Variants in YTHDF3 observed in about 807,000 individuals in gnomAD.
The protein encoded by YTHDF3 is YTH domain-containing family protein 3.
In YTHDF3, 9 loss-of-function variants were observed where a neutral mutation model predicts 52.5. That is an observed-to-expected ratio of 0.17 (90% CI 0.10 to 0.30). YTHDF3 has a LOEUF of 0.30. Among genes scored for constraint, YTHDF3 ranks in the 10% least tolerant of loss-of-function variants. The probability of loss-of-function intolerance (pLI) is 1.00; values close to 1 mark genes in which losing one functional copy is unlikely to be tolerated. For synonymous variants in YTHDF3, 274 were observed against 243.3 expected, an observed-to-expected ratio of 1.13 and a Z score of -1.18; for missense variants, 534 against 715.0, an observed-to-expected ratio of 0.75 and a Z score of 2.89.
intron 3 of YTHDF3, among the ~76,000 whole-genome samples, chr8:63,179,035 G>A (rs1258921830): frequency 6.6e-6 from 1 of 152,102 alleles, no homozygotes; most frequent in Non-Finnish European, 1.5e-5. Context: ...TGTTTAACAA[G>A]TCTTTTGCTA....
At chr8:63,194,728 C>T (rs1809129006) in intron 4 of YTHDF3, among the ~76,000 whole-genome samples, 1 of 152,064 alleles carries the variant, frequency 6.6e-6, no homozygotes, top group Non-Finnish European at 1.5e-5. Flanking sequence ...CATGGAATTG[C>T]TTATTGCTTT....
intron 3 of YTHDF3, among the ~76,000 whole-genome samples, 183 bp from the exon 4 acceptor site, chr8:63,185,964 A>T (rs557246252): frequency 1.1e-4 from 16 of 152,360 alleles, no homozygotes; most frequent in African/African-American, 3.8e-4. Context: ...TTAAGATGTG[A>T]CTACTCATCA....
intron 4 of YTHDF3, among the ~76,000 whole-genome samples, chr8:63,190,512 T>G (rs1352422225): frequency 6.6e-6 from 1 of 152,186 alleles, no homozygotes; most frequent in Admixed American, 6.5e-5. Context: ...AAATAAAGTT[T>G]ATCCTAAAGC....
At chr8:63,185,531 C>G (rs557575894) in intron 3 of YTHDF3, among the ~76,000 whole-genome samples, 2 of 152,102 alleles carry the variant, frequency 1.3e-5, no homozygotes, top group East Asian at 3.9e-4. Flanking sequence ...TGTTTTATGT[C>G]TTTTTTTGAA....
intron 3 of YTHDF3, among the ~76,000 whole-genome samples, chr8:63,176,321 G>T (rs1313520847): frequency 3.3e-5 from 5 of 152,090 alleles, no homozygotes; most frequent in African/African-American, 1.2e-4. Flanking sequence ...TCGCTCTGTC[G>T]CCCAGGCTGG....
In YTHDF3 at chr8:63,175,606, A is replaced by G. The variant is rs552934168; in HGVS notation, c.135+190A>G. 7.0e-4 allele frequency: 342 copies of G among 488,694 alleles called. No homozygotes were observed. The highest frequency in any genetic ancestry group is 5.9e-3 in the Middle Eastern group (10 of 1,696). 30.3% of individuals were successfully genotyped at this position (488,694 alleles called of 1,614,324 possible). ...AGGAGAGTTCTTCTTCAGAAAGTATAGGCACCAGAAACTAGGTTATGAAAT... is the reference window on the plus strand; with the variant it reads ...AGGAGAGTTCTTCTTCAGAAAGTATGGGCACCAGAAACTAGGTTATGAAAT... On this transcript the variant is annotated intron_variant, in intron 3 of 4. Coordinates refer to ENST00000539294, the MANE Select transcript of YTHDF3 (RefSeq NM_152758.6).
At chr8:63,179,735 A>G (rs1402092143) in intron 3 of YTHDF3, among the ~76,000 whole-genome samples, 1 of 151,920 alleles carries the variant, frequency 6.6e-6, no homozygotes, top group East Asian at 1.9e-4. Context: ...GCCGCTGGGT[A>G]CACCTCCCAG....
At chr8:63,192,930 A>G (rs1275727943) in intron 4 of YTHDF3, among the ~76,000 whole-genome samples, 1 of 151,102 alleles carries the variant, frequency 6.6e-6, no homozygotes, top group Non-Finnish European at 1.5e-5. Flanking sequence ...TGGTATGTGG[A>G]TGTACTATAT....
chr8:63,180,659 G>A (rs75794844), intron 3 of YTHDF3, among the ~76,000 whole-genome samples: 2 of 152,184 alleles, frequency 1.3e-5, no homozygotes, highest in Admixed American at 6.5e-5. Context: ...CCGAGATCAC[G>A]CCACTGCACT....
chr8:63,203,471 AACTT>A (rs1809778586), intron 4 of YTHDF3, among the ~76,000 whole-genome samples: 1 of 152,170 alleles, frequency 6.6e-6, no homozygotes, highest in African/African-American at 2.4e-5. Flanking sequence ...ATTTTTAAAA[AACTT>A]TATTTTGAAA....
intron 3 of YTHDF3, among the ~76,000 whole-genome samples, chr8:63,184,828 A>G (rs1020312489): frequency 6.6e-6 from 1 of 152,192 alleles, no homozygotes; most frequent in Non-Finnish European, 1.5e-5. Context: ...AATTCTACAA[A>G]TTGTGAAGCT....
intron 4 of YTHDF3, among the ~76,000 whole-genome samples, chr8:63,198,554 A>C (rs1809384843): frequency 6.6e-6 from 1 of 152,288 alleles, no homozygotes; most frequent in African/African-American, 2.4e-5. Flanking sequence ...GACTTGAGCC[A>C]CCGTGCCTGG....
In YTHDF3 at chr8:63,175,410, A is replaced by G. The variant is rs1807620729; in HGVS notation, c.129A>G (p.Thr43=). 6.2e-7 allele frequency: 1 copy of G among 1,610,622 alleles called. No homozygotes were observed. Among genetic ancestry groups the G allele is most frequent in the Non-Finnish European group, 8.5e-7 (1 of 1,177,890 alleles). Residue 43 remains threonine (T), a synonymous_variant, in exon 3 of 5, where the codon ACA becomes ACG. Transcript: ENST00000539294. ...DDFEPYLSSQ[T]NQSNSYPPMS... ...TTGAGCCATACTTAAGTAGCCAGAC[A>G]AATCAGGTAAGTCTTCTGACAGTTT...
At chr8:63,178,813 TAAATA>T (rs1488922746) in intron 3 of YTHDF3, among the ~76,000 whole-genome samples, 1 of 149,808 alleles carries the variant, frequency 6.7e-6, no homozygotes, top group Non-Finnish European at 1.5e-5. Flanking sequence ...GCTAGAAAAT[TAAATA>T]AAATGTTTGG....
At chr8:63,182,625 A>G (rs1808216196) in intron 3 of YTHDF3, among the ~76,000 whole-genome samples, 1 of 152,170 alleles carries the variant, frequency 6.6e-6, no homozygotes, top group Non-Finnish European at 1.5e-5. Context: ...TTAACATAAA[A>G]ACTTCCTACT....
intron 4 of YTHDF3, among the ~76,000 whole-genome samples, chr8:63,199,123 C>T (rs1196019485): frequency 6.6e-6 from 1 of 152,090 alleles, no homozygotes. Context: ...CTTCAATTAA[C>T]ATATTGATTT....
chr8:63,193,881 C>A (rs1360151708), intron 4 of YTHDF3, among the ~76,000 whole-genome samples: 1 of 152,138 alleles, frequency 6.6e-6, no homozygotes, highest in Admixed American at 6.5e-5. Context: ...AAATGAGAAT[C>A]TAAATTGATA....
intron 3 of YTHDF3, among the ~76,000 whole-genome samples, chr8:63,181,883 G>A (rs1808162444): frequency 6.6e-6 from 1 of 152,100 alleles, no homozygotes; most frequent in Admixed American, 6.5e-5. Flanking sequence ...TACTCAGGTT[G>A]AATATTATTA....
chr8:63,200,020 TG>T (rs1056364392), intron 4 of YTHDF3, among the ~76,000 whole-genome samples: 1 of 152,206 alleles, frequency 6.6e-6, no homozygotes, highest in African/African-American at 2.4e-5. Flanking sequence ...GTCAGAAATC[TG>T]GGCACAGCTT....
Sources: gnomAD v4.1 joint callset for allele counts (sites outside exome capture counted in the v4.1 genomes callset) on GRCh38, gnomAD v4.1.1 for gene constraint, MANE v1.5 for transcripts, NCBI Gene and HGNC (gene_info 2026-07-23, HGNC 2026-07-21) for gene names.